The following RHOJ variants were observed in gnomAD, a reference collection of about 807,000 sequenced individuals.
The protein encoded by RHOJ is rho-related GTP-binding protein RhoJ.
A neutral mutation model predicts 23.4 loss-of-function variants in RHOJ; 11 were observed. The ratio of observed to expected loss-of-function variants is 0.47; its 90% CI spans 0.30 to 0.78. The LOEUF is 0.78. Among genes scored for constraint, RHOJ ranks in the 30% least tolerant of loss-of-function variants. The pLI is 0.08. For missense variants in RHOJ, 254 were observed against 273.4 expected (o/e 0.93, Z 0.50); for synonymous variants, 102 against 102.7 (o/e 0.99, Z 0.04).
chr14:63,291,279 T>C lies in RHOJ; in HGVS notation c.*255T>C, dbSNP rs112048293. The C allele has an allele frequency of 5.0e-5, 25 of 502,108 alleles. 1 individual carries two copies. Among genetic ancestry groups the C allele is most frequent in the African/African-American group, 3.3e-4 (17 of 51,668 alleles). The allele number at this position is 502,108 out of a possible 1,614,324, so 31.1% of individuals were successfully genotyped here. A position where few individuals can be genotyped will look rare whatever the true frequency, so the allele number is the denominator to read the frequency against. ...CCTGGATTGCAGACAGTGCCGCTGC[T>C]GATCGCATCAAAAACAAAGTCAAAG... On this transcript the variant is annotated 3_prime_UTR_variant, in exon 5 of 5. Coordinates refer to ENST00000316754, the MANE Select transcript of RHOJ (RefSeq NM_020663.5).
chr14:63,281,256 T>A, intron 3 of RHOJ, 121 bp downstream of exon 3: 1 of 946,186 alleles, frequency 1.1e-6, no homozygotes. Flanking sequence ...ATGTCAATCC[T>A]ATGAACAGAA....
chr14:63,287,181 T>C (rs944454548), intron 4 of RHOJ, among the ~76,000 whole-genome samples: 2 of 152,242 alleles, frequency 1.3e-5, no homozygotes, highest in Non-Finnish European at 2.9e-5. Flanking sequence ...TTAATTTTGC[T>C]CTTTCAGCCA....
rs1881880044 is a variant in RHOJ at position 63,281,025 on chromosome 14, A to T, written c.292A>T (p.Ile98Phe). The T allele has an allele frequency of 1.9e-6, 3 of 1,613,936 alleles. No individual in the cohort carries two copies. Among genetic ancestry groups the T allele is most frequent in the Non-Finnish European group, 2.5e-6 (3 of 1,180,004 alleles). ...CTACCCCAACACGGATGTGTTTTTG[A>T]TCTGCTTCTCTGTCGTAAACCCTGC... The part of the protein sequence containing the change: ...LSYPNTDVFL[I>F]CFSVVNPASY... Residue 98 changes from isoleucine (I) to phenylalanine (F), a missense_variant, in exon 3 of 5, where the codon ATC becomes TTC. Physicochemically the swap from Ile to Phe is conservative, Grantham distance 21. Coordinates refer to ENST00000316754, the MANE Select transcript of RHOJ (RefSeq NM_020663.5).
At chr14:63,242,394 T>C (rs8013068) in intron 1 of RHOJ, among the ~76,000 whole-genome samples, 58,371 of 151,988 alleles carry the variant, frequency 0.38, 15,445 homozygotes, top group African/African-American at 0.75. Context: ...TAGCAAGACC[T>C]CATCTCTATT....
At chr14:63,290,380 T>C (rs554889682) in intron 4 of RHOJ, among the ~76,000 whole-genome samples, 7 of 152,346 alleles carry the variant, frequency 4.6e-5, no homozygotes, top group South Asian at 4.1e-4. Flanking sequence ...TTCTATCTGC[T>C]TTATCAACCA....
In RHOJ at chr14:63,204,950, G is replaced by A; in HGVS notation, c.81G>A (p.Val27=). ...DEKKMLKCVV[V]GDGAVGKTCL... is the part of the protein sequence containing the mutation. ...AGAAGATGTTGAAGTGTGTGGTGGT[G>A]GGGGACGGTGCCGTGGGGAAAACCT... The change falls in exon 1 of 5, where the codon GTG becomes GTA. Residue 27 remains valine (V), a synonymous_variant. Coordinates refer to ENST00000316754, the MANE Select transcript of RHOJ (RefSeq NM_020663.5). The A allele has an allele frequency of 6.2e-7, 1 of 1,614,212 alleles. No homozygotes were observed. The highest frequency in any genetic ancestry group is 1.3e-5 in the African/African-American group (1 of 75,072).
chr14:63,220,615 T>C (rs1339709815), intron 1 of RHOJ, among the ~76,000 whole-genome samples: 2 of 152,102 alleles, frequency 1.3e-5, no homozygotes, highest in Non-Finnish European at 2.9e-5. Flanking sequence ...GGCAGCTCCA[T>C]CTCATTGGCC....
intron 1 of RHOJ, 107 bp from the exon 2 acceptor site, chr14:63,269,003 T>G (rs1402032860): frequency 1.0e-5 from 8 of 768,096 alleles, no homozygotes; most frequent in African/African-American, 3.4e-5. Flanking sequence ...GGCATATGCT[T>G]CTTCTTGCTG....
At chr14:63,229,302 G>A (rs1168095157) in intron 1 of RHOJ, among the ~76,000 whole-genome samples, 1 of 152,174 alleles carries the variant, frequency 6.6e-6, no homozygotes, top group Non-Finnish European at 1.5e-5. Flanking sequence ...TTCTATTGCT[G>A]TATGGCAAAC....
intron 1 of RHOJ, among the ~76,000 whole-genome samples, chr14:63,257,790 C>T (rs1223063557): frequency 2.0e-5 from 3 of 149,408 alleles, no homozygotes; most frequent in Non-Finnish European, 3.0e-5. Context: ...CCCAGCCTTT[C>T]TCCCGTGCCA....
intron 1 of RHOJ, among the ~76,000 whole-genome samples, chr14:63,261,651 G>T (rs1054835030): frequency 2.7e-5 from 4 of 150,928 alleles, no homozygotes; most frequent in Admixed American, 2.6e-4. Context: ...TTGTTTCCCA[G>T]GCTGGTCTCA....
chr14:63,267,156 C>T (rs187763540), intron 1 of RHOJ, among the ~76,000 whole-genome samples: 541 of 152,352 alleles, frequency 3.6e-3, no homozygotes, highest in African/African-American at 0.012. Flanking sequence ...AAACAGAAAG[C>T]TTCGTCCAGA....
rs191500583 is a variant in RHOJ, at chr14:63,261,935, C to A, written c.179-7175C>A. On this transcript the variant is annotated intron_variant, in intron 1 of 4. Transcript: ENST00000316754. ...TATATCCAGAATCTAGTGTTTCTTC[C>A]TCCAACAAAGCAGCTTTGTGGTACT... Among the ~76,000 whole-genome samples the A allele has an allele frequency of 2.0e-5, 3 of 152,216 alleles. No homozygotes were observed. The East Asian group carries it at 5.8e-4, about 29-fold the overall frequency.
chr14:63,216,334 G>A (rs1006357366), intron 1 of RHOJ, among the ~76,000 whole-genome samples: 1 of 152,146 alleles, frequency 6.6e-6, no homozygotes, highest in African/African-American at 2.4e-5. Context: ...GATTAATTAA[G>A]AGGAAAAATA....
chr14:63,251,168 C>T (rs1594765840), intron 1 of RHOJ, among the ~76,000 whole-genome samples: 2 of 152,266 alleles, frequency 1.3e-5, no homozygotes, highest in East Asian at 1.9e-4. Context: ...TATCTGGCTC[C>T]CCTTCCAAAC....
intron 1 of RHOJ, among the ~76,000 whole-genome samples, chr14:63,215,174 C>G (rs1009465337): frequency 3.9e-5 from 6 of 152,272 alleles, no homozygotes; most frequent in African/African-American, 1.4e-4. Flanking sequence ...AACAGAAAAC[C>G]TCTTACAGTA....
chr14:63,223,367 T>A (rs1894533693), intron 1 of RHOJ, among the ~76,000 whole-genome samples: 1 of 152,180 alleles, frequency 6.6e-6, no homozygotes, highest in Non-Finnish European at 1.5e-5. Context: ...CTCCTCTTCA[T>A]CCAAGTTTAC....
At chr14:63,273,565 C>CTG (rs1236236902) in intron 2 of RHOJ, among the ~76,000 whole-genome samples, 2 of 152,226 alleles carry the variant, frequency 1.3e-5, no homozygotes, top group Non-Finnish European at 2.9e-5. Context: ...GAACTTCAGA[C>CTG]TGGGAGAGGG....
chr14:63,277,966 AACACACACACACAC>A (rs34023824), intron 2 of RHOJ, among the ~76,000 whole-genome samples: 1 of 141,406 alleles, frequency 7.1e-6, no homozygotes, highest in Non-Finnish European at 1.5e-5. Flanking sequence ...CAGCTACACA[AACACACACACACAC>A]ACACACACAC....
Sources: gnomAD v4.1 joint callset for allele counts (sites outside exome capture counted in the v4.1 genomes callset) on GRCh38, gnomAD v4.1.1 for gene constraint, MANE v1.5 for transcripts, NCBI Gene and HGNC (gene_info 2026-07-23, HGNC 2026-07-21) for gene names.